The following SCFD2 variants were observed in gnomAD, a reference collection of about 807,000 sequenced individuals.
SCFD2 encodes sec1 family domain containing 2.
Under a neutral mutation model 58.9 loss-of-function variants are expected in SCFD2, and 54 were observed. That is an observed-to-expected ratio of 0.92 (90% CI 0.74 to 1.15). The LOEUF (loss-of-function observed/expected upper bound fraction) is 1.15. Ranked by LOEUF, SCFD2 falls within the 50% of genes most tolerant of loss-of-function variation. The pLI is 0.00. For synonymous variants in SCFD2, 321 were observed against 335.9 expected, an observed-to-expected ratio of 0.96 and a Z score of 0.49; for missense variants, 805 against 836.6, an observed-to-expected ratio of 0.96 and a Z score of 0.47.
intron 1 of SCFD2, among the ~76,000 whole-genome samples, chr4:53,363,443 C>T (rs1236896704): frequency 6.6e-6 from 1 of 152,040 alleles, no homozygotes; most frequent in Non-Finnish European, 1.5e-5. Context: ...GCCACTGTGC[C>T]GGGCTCTAAA....
intron 4 of SCFD2, among the ~76,000 whole-genome samples, chr4:53,189,360 G>A (rs1474883892): frequency 6.6e-6 from 1 of 152,180 alleles, no homozygotes; most frequent in Non-Finnish European, 1.5e-5. Flanking sequence ...ACTAAAAGGA[G>A]ACAATAAATA....
intron 7 of SCFD2, among the ~76,000 whole-genome samples, chr4:52,906,228 A>G (rs1330511955): frequency 2.6e-5 from 4 of 152,160 alleles, no homozygotes; most frequent in African/African-American, 4.8e-5. Context: ...CCTGTCTGGG[A>G]GAGGGCATAT....
chr4:53,014,329 G>T (rs1268478852), intron 5 of SCFD2, among the ~76,000 whole-genome samples: 8 of 152,196 alleles, frequency 5.3e-5, no homozygotes, highest in Admixed American at 4.6e-4. Flanking sequence ...CACTGAAGGG[G>T]AGGTTAGAAA....
At chr4:52,972,045 C>T (rs1257192043) in intron 5 of SCFD2, among the ~76,000 whole-genome samples, 1 of 152,154 alleles carries the variant, frequency 6.6e-6, no homozygotes, top group Admixed American at 6.5e-5. Flanking sequence ...ATAACTGGTA[C>T]CAGCCACTGC....
chr4:53,148,546 C>A (rs1289750824), intron 4 of SCFD2, among the ~76,000 whole-genome samples: 1 of 152,196 alleles, frequency 6.6e-6, no homozygotes, highest in Non-Finnish European at 1.5e-5. Flanking sequence ...TTCTCAGGAT[C>A]TCTTCTTTCT....
At chr4:52,994,948 T>G (rs867706930) in intron 5 of SCFD2, among the ~76,000 whole-genome samples, 9 of 152,076 alleles carry the variant, frequency 5.9e-5, no homozygotes, top group Non-Finnish European at 4.4e-5. Context: ...TTACAAATAA[T>G]GGCTATGTAG....
chr4:52,943,854 A>G (rs2109517815), intron 5 of SCFD2, among the ~76,000 whole-genome samples: 1 of 152,254 alleles, frequency 6.6e-6, no homozygotes, highest in East Asian at 1.9e-4. Context: ...CAACCCTTCA[A>G]TGTGCCTAAA....
intron 5 of SCFD2, among the ~76,000 whole-genome samples, chr4:53,039,676 G>A (rs1452098580): frequency 2.6e-5 from 4 of 152,152 alleles, no homozygotes; most frequent in Non-Finnish European, 5.9e-5. Flanking sequence ...TAGCTACCAG[G>A]TAAGGGTGCC....
chr4:53,004,177 G>A (rs1165233345), intron 5 of SCFD2, among the ~76,000 whole-genome samples: 1 of 152,192 alleles, frequency 6.6e-6, no homozygotes, highest in East Asian at 1.9e-4. Context: ...ACGATATGTG[G>A]TCAGTGATGG....
At chr4:53,309,723 A>T (rs1732630718) in intron 3 of SCFD2, among the ~76,000 whole-genome samples, 1 of 152,234 alleles carries the variant, frequency 6.6e-6, no homozygotes, top group Non-Finnish European at 1.5e-5. Flanking sequence ...TACATTTCCG[A>T]GAAAGAAAGG....
chr4:53,285,650 G>A (rs1292927628), intron 3 of SCFD2, among the ~76,000 whole-genome samples: 1 of 151,980 alleles, frequency 6.6e-6, no homozygotes, highest in Non-Finnish European at 1.5e-5. Flanking sequence ...CAGCAAGGGA[G>A]TGGTGGAAAC....
chr4:53,300,362 A>G (rs1214921096), intron 3 of SCFD2, among the ~76,000 whole-genome samples: 2 of 152,192 alleles, frequency 1.3e-5, no homozygotes, highest in African/African-American at 4.8e-5. Context: ...AGGTCATTAC[A>G]TAAGGCTAAA....
At chr4:53,234,161 T>C (rs1236104941) in intron 4 of SCFD2, among the ~76,000 whole-genome samples, 1 of 152,068 alleles carries the variant, frequency 6.6e-6, no homozygotes, top group Non-Finnish European at 1.5e-5. Flanking sequence ...ACAAAAGAAA[T>C]TGTATGCACA....
intron 5 of SCFD2, among the ~76,000 whole-genome samples, chr4:53,053,701 G>A (rs1723247979): frequency 6.6e-6 from 1 of 152,096 alleles, no homozygotes; most frequent in Non-Finnish European, 1.5e-5. Context: ...TCGGCCTGCT[G>A]TCCACCCAAC....
At chr4:53,290,551 C>T (rs914011661) in intron 3 of SCFD2, among the ~76,000 whole-genome samples, 35 of 151,832 alleles carry the variant, frequency 2.3e-4, no homozygotes, top group African/African-American at 7.5e-4. Context: ...AACATTATAC[C>T]TCAAGTAACC....
intron 2 of SCFD2, among the ~76,000 whole-genome samples, chr4:53,318,739 T>C (rs924984573): frequency 1.6e-4 from 25 of 151,968 alleles, no homozygotes; most frequent in South Asian, 2.1e-4. Flanking sequence ...TTTTTTTTTT[T>C]CCCCTGATGG....
intron 4 of SCFD2, among the ~76,000 whole-genome samples, chr4:53,224,822 T>C (rs927940462): frequency 1.3e-5 from 2 of 151,832 alleles, no homozygotes; most frequent in African/African-American, 4.9e-5. Context: ...CCAGTATTTC[T>C]TCTACTTTAT....
chr4:53,075,849 T>C (rs1485182885), intron 5 of SCFD2, among the ~76,000 whole-genome samples: 3 of 152,150 alleles, frequency 2.0e-5, no homozygotes, highest in Non-Finnish European at 2.9e-5. Context: ...TGAAATATTG[T>C]GAGAGTTACC....
chr4:53,052,737 T>C (rs184130379), intron 5 of SCFD2, among the ~76,000 whole-genome samples: 73 of 152,324 alleles, frequency 4.8e-4, no homozygotes, highest in African/African-American at 1.7e-3. Context: ...CAGGTGATTT[T>C]AGGTCAACAA....
Sources: gnomAD v4.1 joint callset for allele counts (sites outside exome capture counted in the v4.1 genomes callset) on GRCh38, gnomAD v4.1.1 for gene constraint, MANE v1.5 for transcripts, NCBI Gene and HGNC (gene_info 2026-07-23, HGNC 2026-07-21) for gene names.